SART3: variants seen among roughly 807,000 people sequenced by gnomAD.
SART3 encodes the protein spliceosome associated factor 3, U4/U6 recycling protein.
Under a neutral mutation model 122.3 loss-of-function variants are expected in SART3, and 44 were observed. The observed-to-expected ratio is 0.36, with a 90% CI of 0.28 to 0.46. The LOEUF is 0.46. SART3 is among the 20% of genes least tolerant of loss of function. The probability of loss-of-function intolerance (pLI) is 1.00; values close to 1 mark genes in which losing one functional copy is unlikely to be tolerated. For missense variants in SART3, 1,101 were observed against 1,229.0 expected, an observed-to-expected ratio of 0.90 and a Z score of 1.56; for synonymous variants, 442 against 454.0, an observed-to-expected ratio of 0.97 and a Z score of 0.34.
At chr12:108,554,342 T>C (rs1308472770) in intron 1 of SART3, 3 of 152,178 alleles carry the variant, frequency 2.0e-5, no homozygotes, top group African/African-American at 7.2e-5. Context: ...TCAAGAGCAT[T>C]AATACAAAAA....
chr12:108,536,653 A>G lies in SART3; in HGVS notation c.1387+55T>C, dbSNP rs925039000. 1.9e-6 allele frequency: 3 copies of G among 1,608,564 alleles called. No homozygotes were observed. The African/African-American group carries it at 4.0e-5, about 22-fold the overall frequency. ...GCTGAAAAGGTACATCAACCAGGAA[A>G]TAGTACAGACAAGGAAATACAACTG... On this transcript the variant is annotated intron_variant, in intron 10 of 18. Coordinates refer to ENST00000546815, the MANE Select transcript of SART3 (RefSeq NM_014706.4).
chr12:108,537,395 C>G lies in SART3; in HGVS notation c.1309+93G>C. On this transcript the variant is annotated intron_variant, in intron 9 of 18. Coordinates refer to ENST00000546815, the MANE Select transcript of SART3 (RefSeq NM_014706.4). ...CAATACCTAGTCTACATCATTTGCC[C>G]AATCACAATGTATCTGGGGAACTGG... 4 of 926,612 alleles carry G rather than the reference C, an allele frequency of 4.3e-6. No homozygotes were observed. In the South Asian group the frequency reaches 5.4e-5, roughly 12 times the overall value. 57.4% of individuals were successfully genotyped at this position (926,612 alleles called of 1,614,324 possible). A position where few individuals can be genotyped will look rare whatever the true frequency, so the allele number is the denominator to read the frequency against.
chr12:108,549,487 A>C (rs545043796), intron 1 of SART3, among the ~76,000 whole-genome samples: 5 of 152,224 alleles, frequency 3.3e-5, no homozygotes, highest in Non-Finnish European at 7.3e-5. Flanking sequence ...CATTCTAATG[A>C]AACAAATAAA....
intron 15 of SART3, among the ~76,000 whole-genome samples, chr12:108,529,684 C>T (rs1040666765): frequency 6.6e-6 from 1 of 152,118 alleles, no homozygotes; most frequent in Non-Finnish European, 1.5e-5. Context: ...AGCACTTGTG[C>T]ACTATTCCTG....
In SART3 at chr12:108,526,411, G is replaced by A. The variant is rs199783209; in HGVS notation, c.2058C>T (p.Ala686=). Residue 686 remains alanine (A), a synonymous_variant, in exon 16 of 19, where the codon GCC becomes GCT. Transcript: ENST00000546815. ...CCTTGGGCATGTCCCTCTTCAGGGA[G>A]GCTGCCTTCTCCTTCTGCTTCGAAG... ...EPPSKQKEKA[A]SLKRDMPKVL... 5.0e-6 allele frequency: 8 copies of A among 1,614,146 alleles called. No homozygotes were observed. Among genetic ancestry groups the A allele is most frequent in the Non-Finnish European group, 6.8e-6 (8 of 1,180,000 alleles).
At chr12:108,536,855 G>C in intron 9 of SART3, 70 bp from the exon 10 acceptor site, 1 of 1,417,588 alleles carries the variant, frequency 7.1e-7, no homozygotes, top group Non-Finnish European at 9.8e-7. Flanking sequence ...TTTATCCTAT[G>C]CTGAAACTGC....
At chr12:108,535,576 G>C (rs974864378) in intron 11 of SART3, 108 bp from the exon 12 acceptor site, 1 of 906,776 alleles carries the variant, frequency 1.1e-6, no homozygotes, top group Non-Finnish European at 1.8e-6. Context: ...ACAACTATTA[G>C]TGTTACAGAT....
In SART3 at chr12:108,531,287, A is replaced by G; in HGVS notation, c.1670-7T>C. On this transcript the variant is annotated splice_region_variant and splice_polypyrimidine_tract_variant and intron_variant, in intron 13 of 18. Transcript: ENST00000546815. ...TCCCAATCTTCTAAAGAACCTTGAA[A>G]GAAAGAGAAGCAAAACTTTCACTCT... is the stretch of plus-strand genomic sequence containing the variant. The G allele has an allele frequency of 1.2e-6, 2 of 1,611,316 alleles. No individual in the cohort carries two copies. Among genetic ancestry groups the G allele is most frequent in the African/African-American group, 1.3e-5 (1 of 74,998 alleles).
chr12:108,535,192 T>C (rs868316862), intron 12 of SART3, among the ~76,000 whole-genome samples, 167 bp downstream of exon 12: 2 of 152,192 alleles, frequency 1.3e-5, no homozygotes, highest in African/African-American at 2.4e-5. Flanking sequence ...TCATGTCTGG[T>C]TCTCTAGCCC....
chr12:108,560,546 A>C, intron 1 of SART3: 1 of 433,074 alleles, frequency 2.3e-6, no homozygotes, highest in Non-Finnish European at 4.1e-6. Flanking sequence ...CCTGACTTGC[A>C]GGAAGTGTTA....
chr12:108,526,963 G>A (rs1304694719), intron 15 of SART3, among the ~76,000 whole-genome samples: 2 of 152,200 alleles, frequency 1.3e-5, no homozygotes, highest in Non-Finnish European at 2.9e-5. Context: ...GCCCCAGGGA[G>A]CACATTTTGG....
chr12:108,546,901 C>T (rs536031362), intron 3 of SART3, among the ~76,000 whole-genome samples: 2 of 152,262 alleles, frequency 1.3e-5, no homozygotes, highest in East Asian at 3.9e-4. Flanking sequence ...CTCGCTGCAA[C>T]CTCCACTTCC....
intron 15 of SART3, 141 bp from the exon 16 acceptor site, chr12:108,526,694 C>T: frequency 2.2e-6 from 2 of 892,988 alleles, no homozygotes; most frequent in Admixed American, 2.0e-5. Context: ...GCAAGCACCA[C>T]CCCGAGAAGT....
At chr12:108,546,718 C>T (rs1267627429) in intron 3 of SART3, among the ~76,000 whole-genome samples, 1 of 151,882 alleles carries the variant, frequency 6.6e-6, no homozygotes, top group Non-Finnish European at 1.5e-5. Context: ...TGGGGTTTTC[C>T]CCATGTTGGG....
intron 17 of SART3, 135 bp from the exon 18 acceptor site, chr12:108,524,641 C>T (rs546560451): frequency 1.7e-5 from 13 of 745,366 alleles, no homozygotes; most frequent in Non-Finnish European, 2.8e-5. Context: ...CAACAGGTTA[C>T]CTTCCCCACC....
At chr12:108,549,001 A>G (rs979835173) in intron 2 of SART3, 87 bp downstream of exon 2, 16 of 1,570,790 alleles carry the variant, frequency 1.0e-5, no homozygotes, top group Non-Finnish European at 1.3e-5. Flanking sequence ...CAGGTTTTCT[A>G]CAAGGAGCAT....
chr12:108,556,254 G>A (rs2030215551), intron 1 of SART3, among the ~76,000 whole-genome samples: 1 of 152,044 alleles, frequency 6.6e-6, no homozygotes, highest in African/African-American at 2.4e-5. Flanking sequence ...ACCACACATA[G>A]CTAAATGTTT....
intron 15 of SART3, among the ~76,000 whole-genome samples, chr12:108,528,482 C>CAAAAAAA (rs398039961): frequency 1.0e-5 from 1 of 98,512 alleles, no homozygotes; most frequent in Non-Finnish European, 1.9e-5. Context: ...GACTCCCTCT[C>CAAAAAAA]AAAAAAAAAA....
intron 3 of SART3, among the ~76,000 whole-genome samples, chr12:108,546,293 G>C (rs1056264611): frequency 6.6e-6 from 1 of 152,026 alleles, no homozygotes; most frequent in African/African-American, 2.4e-5. Context: ...TCTACCTCCT[G>C]GGTTCAAGCA....
Sources: allele counts gnomAD v4.1 joint callset (sites outside exome capture counted in the v4.1 genomes callset), GRCh38; gene constraint gnomAD v4.1.1; transcripts MANE v1.5; gene names NCBI Gene and HGNC (gene_info 2026-07-23, HGNC 2026-07-21).